The following ANKRD6 variants were observed in gnomAD, a reference collection of about 807,000 sequenced individuals.
ANKRD6 encodes the protein ankyrin repeat domain-containing protein 6.
Under a neutral mutation model 82.3 loss-of-function variants are expected in ANKRD6, and 56 were observed. That is an observed-to-expected ratio of 0.68 (90% CI 0.55 to 0.85). The LOEUF (loss-of-function observed/expected upper bound fraction) is 0.85, where lower values mean the gene tolerates loss of function less well. Ranked by LOEUF, ANKRD6 falls within the 40% of genes least tolerant of loss-of-function variation. ANKRD6 has a pLI of 0.00. For synonymous variants in ANKRD6, 347 were observed against 352.1 expected (o/e 0.99, Z 0.16); for missense variants, 852 against 907.6 (o/e 0.94, Z 0.79).
chr6:89,603,319 AAT>A (rs1797682126), intron 4 of ANKRD6, among the ~76,000 whole-genome samples, 192 bp downstream of exon 4: 1 of 146,160 alleles, frequency 6.8e-6, no homozygotes. Context: ...AGCCAATTGT[AAT>A]TTTTTTTTTT....
intron 2 of ANKRD6, among the ~76,000 whole-genome samples, chr6:89,578,893 C>T (rs764838379): frequency 1.4e-4 from 21 of 152,156 alleles, no homozygotes; most frequent in Non-Finnish European, 3.1e-4. Flanking sequence ...GCCCTGAGGC[C>T]CACATGTAGG....
intron 2 of ANKRD6, among the ~76,000 whole-genome samples, chr6:89,589,349 C>T (rs1431193502): frequency 1.3e-5 from 2 of 152,136 alleles, no homozygotes; most frequent in East Asian, 1.9e-4. Context: ...CGCCTCCTTC[C>T]GAGGGTCCTG....
intron 2 of ANKRD6, among the ~76,000 whole-genome samples, chr6:89,586,258 G>A (rs1053042559): frequency 1.3e-5 from 2 of 152,306 alleles, no homozygotes; most frequent in East Asian, 3.9e-4. Flanking sequence ...TATATTAACA[G>A]TTCCTGAAAA....
chr6:89,474,543 GAGT>G (rs1028795408), intron 1 of ANKRD6, among the ~76,000 whole-genome samples: 1 of 152,028 alleles, frequency 6.6e-6, no homozygotes, highest in African/African-American at 2.4e-5. Context: ...TCAGCCTCCT[GAGT>G]AGCTGGGACT....
intron 1 of ANKRD6, among the ~76,000 whole-genome samples, chr6:89,472,340 C>T (rs915956773): frequency 2.6e-5 from 4 of 152,236 alleles, no homozygotes; most frequent in Admixed American, 6.5e-5. Context: ...ATAACAGCAA[C>T]CCGTTAAGCT....
chr6:89,591,592 C>T (rs1048437698), intron 2 of ANKRD6, among the ~76,000 whole-genome samples: 5 of 152,156 alleles, frequency 3.3e-5, no homozygotes, highest in Non-Finnish European at 7.4e-5. Flanking sequence ...TCCCATTAGT[C>T]GGACATGCCT....
intron 1 of ANKRD6, among the ~76,000 whole-genome samples, chr6:89,448,289 C>G (rs1772351512): frequency 6.6e-6 from 1 of 151,984 alleles, no homozygotes; most frequent in Non-Finnish European, 1.5e-5. Context: ...AAAAAATTAG[C>G]CAGGTGTTGT....
At chr6:89,488,803 G>C (rs1777665896) in intron 1 of ANKRD6, among the ~76,000 whole-genome samples, 1 of 152,108 alleles carries the variant, frequency 6.6e-6, no homozygotes, top group Non-Finnish European at 1.5e-5. Flanking sequence ...GACCCAGTAT[G>C]TACACATACA....
chr6:89,483,996 A>G (rs1777087306), intron 1 of ANKRD6, among the ~76,000 whole-genome samples: 1 of 151,894 alleles, frequency 6.6e-6, no homozygotes, highest in Non-Finnish European at 1.5e-5. Context: ...GCTCACTGCA[A>G]CCTCTGTCAA....
At chr6:89,507,241 T>C in intron 1 of ANKRD6, among the ~76,000 whole-genome samples, 1 of 152,230 alleles carries the variant, frequency 6.6e-6, no homozygotes, top group East Asian at 1.9e-4. Flanking sequence ...GTTCATATCA[T>C]TACATAAAAA....
chr6:89,633,029 A>C lies in ANKRD6; in HGVS notation c.*2025A>C, dbSNP rs1353370583. 1.3e-5 allele frequency: 2 copies of C among 152,220 alleles called. No homozygotes were observed. The highest frequency in any genetic ancestry group is 4.8e-5 in the African/African-American group (2 of 41,458). 9.4% of individuals were successfully genotyped at this position (152,220 alleles called of 1,614,324 possible). A position where few individuals can be genotyped will look rare whatever the true frequency, so the allele number is the denominator to read the frequency against. On this transcript the variant is annotated 3_prime_UTR_variant, in exon 16 of 16. Transcript: ENST00000339746. ...TTTAAGTATCAAGTCTAGACCATAG[A>C]GTGCTTTGGTGGGAGTATTTTGATT...
chr6:89,434,038 G>A (rs992235551), intron 1 of ANKRD6, among the ~76,000 whole-genome samples: 2 of 152,170 alleles, frequency 1.3e-5, no homozygotes, highest in Non-Finnish European at 2.9e-5. Context: ...GACCCAAGAG[G>A]GACTTGAATG....
chr6:89,559,093 A>G (rs942043778), intron 1 of ANKRD6, among the ~76,000 whole-genome samples: 2 of 152,210 alleles, frequency 1.3e-5, no homozygotes, highest in African/African-American at 2.4e-5. Flanking sequence ...GCCAACTCCT[A>G]GGGCTCTCCA....
intron 1 of ANKRD6, among the ~76,000 whole-genome samples, chr6:89,513,803 AAG>A (rs2076089591): frequency 2.0e-5 from 3 of 151,564 alleles, no homozygotes. Context: ...GAGACACACA[AAG>A]AGAGAGCAAA....
At chr6:89,480,500 C>T (rs1259858450) in intron 1 of ANKRD6, among the ~76,000 whole-genome samples, 1 of 151,710 alleles carries the variant, frequency 6.6e-6, no homozygotes, top group Non-Finnish European at 1.5e-5. Flanking sequence ...AAGTAATAAA[C>T]ATCAAGGGCT....
intron 2 of ANKRD6, among the ~76,000 whole-genome samples, chr6:89,575,583 T>C (rs1241938431): frequency 1.3e-5 from 2 of 152,188 alleles, no homozygotes; most frequent in East Asian, 3.8e-4. Context: ...GAGCTCAATA[T>C]GCCCAGGTAC....
At chr6:89,609,683 C>T (rs1799714521) in intron 5 of ANKRD6, among the ~76,000 whole-genome samples, 2 of 152,184 alleles carry the variant, frequency 1.3e-5, no homozygotes, top group African/African-American at 4.8e-5. Flanking sequence ...GCGATCTCGG[C>T]TTGCTGAAAC....
chr6:89,454,568 A>G (rs542524730), intron 1 of ANKRD6, among the ~76,000 whole-genome samples: 1 of 152,344 alleles, frequency 6.6e-6, no homozygotes, highest in African/African-American at 2.4e-5. Flanking sequence ...AGCTGTGGCC[A>G]GAAGAGCTAT....
intron 5 of ANKRD6, among the ~76,000 whole-genome samples, chr6:89,607,809 G>A (rs1466674333): frequency 2.6e-5 from 4 of 151,406 alleles, no homozygotes; most frequent in African/African-American, 9.8e-5. Context: ...CCCCACGCCC[G>A]GCTAATTTTT....
Sources: gnomAD v4.1 joint callset for allele counts (sites outside exome capture counted in the v4.1 genomes callset) on GRCh38, gnomAD v4.1.1 for gene constraint, MANE v1.5 for transcripts, NCBI Gene and HGNC (gene_info 2026-07-23, HGNC 2026-07-21) for gene names.